Variants in PRELID3B observed in about 807,000 individuals in gnomAD.
PRELID3B encodes the protein PRELI domain containing 3B, also known as PRELI domain containing protein 3B.
PRELID3B carries 15 observed loss-of-function variants against 24.0 expected under a neutral mutation model. The observed-to-expected ratio is 0.63, with a 90% CI of 0.42 to 0.96. The LOEUF is 0.96. Ranked by LOEUF, PRELID3B falls within the 40% of genes least tolerant of loss-of-function variation. The pLI, the probability that PRELID3B is intolerant of heterozygous loss-of-function variation, is 0.00. For missense variants in PRELID3B, 189 were observed against 236.0 expected (o/e 0.80, Z 1.30); for synonymous variants, 62 against 76.0 (o/e 0.82, Z 0.96).
chr20:59,042,634 C>T lies in PRELID3B; in HGVS notation c.32+65G>A, dbSNP rs997133173. 7.8e-6 allele frequency: 12 copies of T among 1,542,460 alleles called. No individual in the cohort carries two copies. The Middle Eastern group carries it at 5.0e-4, about 65-fold the overall frequency. The stretch of plus-strand genomic sequence containing the variant: ...AGAAGCCTCCTGCGGGCCGCCTCTG[C>T]CTCGCCTCTACTCCAGGGCCGGCGT... On this transcript the variant is annotated intron_variant, in intron 1 of 5. Transcript: ENST00000355937.
At position 59,034,222 on chromosome 20, in the gene PRELID3B, GCTA is replaced by G. The variant is rs1352737321; in HGVS notation, c.*782_*784del. 2.6e-5 allele frequency: 4 copies of G among 152,172 alleles called. No homozygotes were observed. The highest frequency in any genetic ancestry group is 4.4e-5 in the Non-Finnish European group (3 of 68,036). The allele number at this position is 152,172 out of a possible 1,614,324, so 9.4% of individuals were successfully genotyped here. Reference sequence around the variant, plus strand: ...TTTTTAAGTTAGGCAAATGTAAAATGCTAAAAGATGTGAACAGCTGTTCTTCTG... The same window carrying G: ...TTTTTAAGTTAGGCAAATGTAAAATGAAAGATGTGAACAGCTGTTCTTCTG... On this transcript the variant is annotated 3_prime_UTR_variant, in exon 6 of 6. Coordinates refer to ENST00000355937, the MANE Select transcript of PRELID3B (RefSeq NM_016045.3).
In PRELID3B at chr20:59,034,927, G is replaced by A; in HGVS notation, c.*80C>T. ...AAAAAAAACTACCCAAAATATAGTT[G>A]TATTTTTAAAATAACAAATAAATAT... On this transcript the variant is annotated 3_prime_UTR_variant, in exon 6 of 6. Coordinates refer to ENST00000355937, the MANE Select transcript of PRELID3B (RefSeq NM_016045.3). 1 of 736,258 alleles carries A rather than the reference G, an allele frequency of 1.4e-6. No homozygotes were observed. The highest frequency in any genetic ancestry group is 1.9e-6 in the Non-Finnish European group (1 of 516,752). 45.6% of individuals were successfully genotyped at this position (736,258 alleles called of 1,614,324 possible).
chr20:59,035,235 T>C, intron 5 of PRELID3B, 109 bp from the exon 6 acceptor site: 1 of 990,336 alleles, frequency 1.0e-6, no homozygotes, highest in Non-Finnish European at 1.4e-6. Flanking sequence ...TAACTCAATC[T>C]CAGGATGACA....
At chr20:59,035,584 T>C (rs2146390239) in intron 5 of PRELID3B, among the ~76,000 whole-genome samples, 1 of 152,354 alleles carries the variant, frequency 6.6e-6, no homozygotes, top group South Asian at 2.1e-4. Context: ...TCAGGGCCTT[T>C]GCACACGCAG....
chr20:59,036,601 C>A, intron 4 of PRELID3B, 28 bp from the exon 5 acceptor site: 1 of 1,595,536 alleles, frequency 6.3e-7, no homozygotes, highest in South Asian at 1.1e-5. Flanking sequence ...CACACAGGTT[C>A]AGATGACCCA....
In PRELID3B at chr20:59,037,201, T is replaced by G; in HGVS notation, c.281A>C (p.Lys94Thr). The stretch of plus-strand genomic sequence containing the variant: ...GGAGCCAAGACTTACATTAGTAGAT[T>G]TAAGTTCCATTGTTTTCTCTACAGG... ...VDPVEKTMEL[K>T]STNISFTNMV... The change falls in exon 3 of 6, where the codon AAA (lysine) becomes ACA (threonine). Residue 94 changes from lysine (K) to threonine (T), a missense_variant. Physicochemically the swap from Lys to Thr is moderately conservative, Grantham distance 78. Coordinates refer to ENST00000355937, the MANE Select transcript of PRELID3B (RefSeq NM_016045.3). 1.2e-6 allele frequency: 2 copies of G among 1,611,866 alleles called. No individual in the cohort carries two copies. Among genetic ancestry groups the G allele is most frequent in the South Asian group, 2.2e-5 (2 of 90,936 alleles).
In PRELID3B at chr20:59,034,125, A is replaced by G. The variant is rs2092053384; in HGVS notation, c.*882T>C. ...TTTTGTGGTCACAATTACTTCAAAA[A>G]GTAATTATATTCAAATAACCTGACA... On this transcript the variant is annotated 3_prime_UTR_variant, in exon 6 of 6. Coordinates refer to ENST00000355937, the MANE Select transcript of PRELID3B (RefSeq NM_016045.3). The G allele has an allele frequency of 6.6e-6, 1 of 152,254 alleles. No individual in the cohort carries two copies. The highest frequency in any genetic ancestry group is 6.5e-5 in the Admixed American group (1 of 15,282). The allele number at this position is 152,254 out of a possible 1,614,324, so 9.4% of individuals were successfully genotyped here. A position where few individuals can be genotyped will look rare whatever the true frequency, so the allele number is the denominator to read the frequency against.
chr20:59,038,355 T>A, intron 2 of PRELID3B, 111 bp downstream of exon 2: 1 of 839,264 alleles, frequency 1.2e-6, no homozygotes, highest in Non-Finnish European at 1.8e-6. Flanking sequence ...CTTGAACGGA[T>A]GCAAAAAATG....
intron 1 of PRELID3B, among the ~76,000 whole-genome samples, chr20:59,041,595 C>T (rs6015423): frequency 0.43 from 65,275 of 151,834 alleles, 14,844 homozygotes; most frequent in East Asian, 0.78. Flanking sequence ...ATTAGCCGGG[C>T]GCGGTGGTGG....
intron 3 of PRELID3B, 57 bp from the exon 4 acceptor site, chr20:59,036,817 A>G: frequency 8.4e-7 from 1 of 1,194,250 alleles, no homozygotes; most frequent in Admixed American, 2.6e-5. Context: ...AAGATTCAAA[A>G]TGTTGCTAAA....
At chr20:59,037,308 C>G in intron 2 of PRELID3B, 28 bp from the exon 3 acceptor site, 1 of 1,502,034 alleles carries the variant, frequency 6.7e-7, no homozygotes, top group Non-Finnish European at 9.3e-7. Flanking sequence ...AACTAGGAAT[C>G]AGAGGAGGAA....
chr20:59,041,100 G>A (rs1402511212), intron 1 of PRELID3B, among the ~76,000 whole-genome samples: 1 of 152,122 alleles, frequency 6.6e-6, no homozygotes, highest in Non-Finnish European at 1.5e-5. Flanking sequence ...AGTTAGGGAA[G>A]ATATGGGAGA....
chr20:59,042,613 G>T, intron 1 of PRELID3B, 86 bp downstream of exon 1: 8 of 1,449,636 alleles, frequency 5.5e-6, no homozygotes, highest in Non-Finnish European at 6.6e-6. Context: ...ACGCCTAGAA[G>T]CCTCCTGCGG....
intron 2 of PRELID3B, 42 bp downstream of exon 2, chr20:59,038,424 T>C (rs2092088595): frequency 6.3e-7 from 1 of 1,577,908 alleles, no homozygotes; most frequent in Non-Finnish European, 8.6e-7. Flanking sequence ...AGAAAACTTC[T>C]CTACAGCAGT....
In PRELID3B at chr20:59,038,495, CTG is replaced by C; in HGVS notation, c.170_171del (p.Thr57ArgfsTer28). On this transcript the variant is annotated frameshift_variant, in exon 2 of 6. Coordinates refer to ENST00000355937, the MANE Select transcript of PRELID3B (RefSeq NM_016045.3). LOFTEE classifies it high-confidence loss of function. ...GKLHSHRLLS[T>X]EWGLPSIVKS... ...TTCACAATGGAAGGCAGTCCCCACTCTGTGCTGAGAAGTCTGTGGCTGTGCAA... is the reference window on the plus strand; with the variant it reads ...TTCACAATGGAAGGCAGTCCCCACTCTGCTGAGAAGTCTGTGGCTGTGCAA... The C allele has an allele frequency of 6.2e-7, 1 of 1,613,742 alleles. No homozygotes were observed. The highest frequency in any genetic ancestry group is 8.5e-7 in the Non-Finnish European group (1 of 1,179,754).
rs1225868726 is a variant in PRELID3B at position 59,033,488 on chromosome 20, T to C, written c.*1519A>G. On this transcript the variant is annotated 3_prime_UTR_variant, in exon 6 of 6. Coordinates refer to ENST00000355937, the MANE Select transcript of PRELID3B (RefSeq NM_016045.3). ...GATGTTTTATTTAGCTGAAATGTTA[T>C]TTCACTTGTAAAAACTATCTCCGGT... The C allele has an allele frequency of 6.6e-6, 1 of 152,236 alleles. No homozygotes were observed. Among genetic ancestry groups the C allele is most frequent in the Non-Finnish European group, 1.5e-5 (1 of 68,030 alleles). 9.4% of individuals were successfully genotyped at this position (152,236 alleles called of 1,614,324 possible).
In PRELID3B at chr20:59,040,511, C is replaced by A. The variant is rs908418544; in HGVS notation, c.33-1877G>T. Among the ~76,000 whole-genome samples, 1 of 152,194 alleles carries A rather than the reference C, an allele frequency of 6.6e-6. No homozygotes were observed. The highest frequency in any genetic ancestry group is 1.5e-5 in the Non-Finnish European group (1 of 68,048). On this transcript the variant is annotated intron_variant, in intron 1 of 5. Coordinates refer to ENST00000355937, the MANE Select transcript of PRELID3B (RefSeq NM_016045.3). The surrounding 1 kb of genome is among the most constrained non-coding windows in gnomAD (Gnocchi z 4.1). ...AGAACAGTGGCTGACACATACTGGG[C>A]ATCTCTATAAGTTGAAGGAATCAAT...
At chr20:59,037,825 G>A (rs980788080) in intron 2 of PRELID3B, among the ~76,000 whole-genome samples, 3 of 152,194 alleles carry the variant, frequency 2.0e-5, no homozygotes, top group African/African-American at 7.2e-5. Context: ...TTTGCATAAG[G>A]AGGCAGTAAG....
rs2092102318 is a variant in PRELID3B, at chr20:59,040,369, G to C, written c.33-1735C>G. ...GCCAAAGTAGAATCAGGAGGACCTG[G>C]CTATGGCTCACTGACCGGTCCAACT... On this transcript the variant is annotated intron_variant, in intron 1 of 5. Transcript: ENST00000355937. The surrounding 1 kb of genome is among the most constrained non-coding windows in gnomAD (Gnocchi z 4.1). Among the ~76,000 whole-genome samples, 1 of 152,234 alleles carries C rather than the reference G, an allele frequency of 6.6e-6. No homozygotes were observed. The highest frequency in any genetic ancestry group is 1.5e-5 in the Non-Finnish European group (1 of 68,038).
Sources: gnomAD v4.1 joint callset for allele counts (sites outside exome capture counted in the v4.1 genomes callset) on GRCh38, gnomAD v4.1.1 for gene constraint, Gnocchi (gnomAD v3.1) non-coding constraint, MANE v1.5 for transcripts, NCBI Gene and HGNC (gene_info 2026-07-23, HGNC 2026-07-21) for gene names.